The following CELF3 variants were observed in gnomAD, a reference collection of about 807,000 sequenced individuals.
The protein encoded by CELF3 is CAG repeat domain.
In CELF3, 26 loss-of-function variants were observed where a neutral mutation model predicts 59.6. The observed-to-expected ratio is 0.44, with a 90% CI of 0.32 to 0.61. The LOEUF is 0.61. Ranked by LOEUF, CELF3 falls within the 20% of genes least tolerant of loss-of-function variation. CELF3 has a pLI of 0.06. For missense variants in CELF3, 387 were observed against 627.2 expected (o/e 0.62, Z 4.09); for synonymous variants, 245 against 250.7 (o/e 0.98, Z 0.22).
intron 9 of CELF3, 77 bp from the exon 10 acceptor site, chr1:151,706,438 C>T: frequency 7.0e-7 from 1 of 1,434,950 alleles, no homozygotes; most frequent in Non-Finnish European, 9.4e-7. Context: ...TGTCTCCCTT[C>T]CCCTAGCCCA....
Position 151,705,707 on chromosome 1 carries a change from T to A in CELF3, c.1270+115A>T. On this transcript the variant is annotated intron_variant, in intron 11 of 12. Coordinates refer to ENST00000290583, the MANE Select transcript of CELF3 (RefSeq NM_007185.7). This position sits in a 1 kb window ranked among gnomAD's most constrained non-coding sequence, Gnocchi z 5.1. ...GTGTCAAAATGGCTCTTTTGTACTCTTGGATAATCAGTATTTCAAATACTG... is the reference window on the plus strand; with the variant it reads ...GTGTCAAAATGGCTCTTTTGTACTCATGGATAATCAGTATTTCAAATACTG... 8.3e-7 allele frequency: 1 copy of A among 1,202,478 alleles called. No individual in the cohort carries two copies. The highest frequency in any genetic ancestry group is 1.4e-5 in the South Asian group (1 of 69,056). 74.5% of individuals were successfully genotyped at this position (1,202,478 alleles called of 1,614,324 possible). A position where few individuals can be genotyped will look rare whatever the true frequency, so the allele number is the denominator to read the frequency against.
chr1:151,700,670 G>A lies in CELF3; in HGVS notation c.*2789C>T, dbSNP rs1010849594. On this transcript the variant is annotated 3_prime_UTR_variant, in exon 13 of 13. Coordinates refer to ENST00000290583, the MANE Select transcript of CELF3 (RefSeq NM_007185.7). ...ATTGCTATGATTACTCAGTTAATAA[G>A]TGTAGGCAGTGATAATTGAAAAGAG... Among the ~76,000 whole-genome samples, 1 of 152,230 alleles carries A rather than the reference G, an allele frequency of 6.6e-6. No individual in the cohort carries two copies. Among genetic ancestry groups the A allele is most frequent in the African/African-American group, 2.4e-5 (1 of 41,464 alleles).
In CELF3 at chr1:151,716,632, C is replaced by T; in HGVS notation, c.-612G>A. ...GATGGCGGCAGGGCTCCAGGGGTCC[C>T]TTTTGCCCTGCCGCCCCCCTTCAGG... On this transcript the variant is annotated 5_prime_UTR_variant, in exon 1 of 13. Transcript: ENST00000290583. The T allele has an allele frequency of 2.7e-6, 1 of 376,448 alleles. No homozygotes were observed. Among genetic ancestry groups the T allele is most frequent in the Non-Finnish European group, 5.5e-6 (1 of 183,014 alleles). The allele number at this position is 376,448 out of a possible 1,614,324, so 23.3% of individuals were successfully genotyped here.
intron 5 of CELF3, 161 bp from the exon 6 acceptor site, chr1:151,708,096 ACT>A: frequency 7.1e-6 from 5 of 707,212 alleles, no homozygotes; most frequent in Admixed American, 3.0e-5. Context: ...TATTAATCCC[ACT>A]CTCTCCCTAT....
intron 8 of CELF3, 64 bp from the exon 9 acceptor site, chr1:151,706,798 T>G (rs879034120): frequency 7.9e-7 from 1 of 1,258,152 alleles, no homozygotes; most frequent in South Asian, 1.5e-5. Flanking sequence ...TCAGTGCCTC[T>G]CTGGGCCTCT....
Position 151,716,738 on chromosome 1 carries a change from CCTG to C in CELF3, c.-721_-719del. 1 of 455,390 alleles carries C rather than the reference CCTG, an allele frequency of 2.2e-6. No individual in the cohort carries two copies. 28.2% of individuals were successfully genotyped at this position (455,390 alleles called of 1,614,324 possible). A position where few individuals can be genotyped will look rare whatever the true frequency, so the allele number is the denominator to read the frequency against. On this transcript the variant is annotated 5_prime_UTR_variant, in exon 1 of 13. Transcript: ENST00000290583. ...CCGGCTGCTCCCGCCGCTGGGGCTG[CCTG>C]CTTTCCCGGTCACCTGGGTCCCGGA...
In CELF3 at chr1:151,707,233, G is replaced by C. The variant is rs147134681; in HGVS notation, c.834C>G (p.Gly278=). ...TGGGCACCGGGCTGTAGCCGTTGAC[G>C]CCCAGGGCAGCCGGAATGGCAGAGA... ...TPVSAIPAAL[G]VNGYSPVPTQ... Residue 278 remains glycine (G), a synonymous_variant, in exon 8 of 13, where the codon GGC becomes GGG. Coordinates refer to ENST00000290583, the MANE Select transcript of CELF3 (RefSeq NM_007185.7). The C allele has an allele frequency of 1.3e-5, 20 of 1,553,746 alleles. No individual in the cohort carries two copies. The African/African-American group carries it at 2.8e-4, about 21-fold the overall frequency.
rs1672403373 is a variant in CELF3 at position 151,705,116 on chromosome 1, C to T, written c.1323G>A (p.Met441Ile). ...PASAQAAIQA[M>I]NGFQIGMKRL... The stretch of plus-strand genomic sequence containing the variant: ...GCTTCATGCCGATCTGGAAGCCATT[C>T]ATGGCCTGGATGGCAGCCTGGGCAC... Residue 441 changes from methionine (M) to isoleucine (I), a missense_variant, in exon 12 of 13, where the codon ATG (methionine) becomes ATA (isoleucine). Met to Ile is a conservative substitution (Grantham distance 10). Around this residue, in one of 3 missense-constraint regions of CELF3, gnomAD observed 48 missense variants for 118.8 expected, o/e 0.40. Coordinates refer to ENST00000290583, the MANE Select transcript of CELF3 (RefSeq NM_007185.7). This position sits in a 1 kb window ranked among gnomAD's most constrained non-coding sequence, Gnocchi z 5.1. 1.2e-6 allele frequency: 2 copies of T among 1,613,932 alleles called. No individual in the cohort carries two copies. Among genetic ancestry groups the T allele is most frequent in the South Asian group, 1.1e-5 (1 of 91,080 alleles).
At position 151,705,949 on chromosome 1, in the gene CELF3, G is replaced by C; in HGVS notation, c.1143C>G (p.Asn381Lys). 1 of 1,613,998 alleles carries C rather than the reference G, an allele frequency of 6.2e-7. No individual in the cohort carries two copies. Among genetic ancestry groups the C allele is most frequent in the Non-Finnish European group, 8.5e-7 (1 of 1,179,872 alleles). ...CCTGGGGCAGGTGGTAGATGAAGAT[G>C]TTGCAGCCATCAGGGCCTGGGTGGC... ...QQQREGPDGC[N>K]IFIYHLPQEF... Residue 381 changes from asparagine to lysine, a missense_variant, in exon 11 of 13, where the codon AAC (asparagine) becomes AAG (lysine). Around this residue, in one of 3 missense-constraint regions of CELF3, gnomAD observed 48 missense variants for 118.8 expected, o/e 0.40. Coordinates refer to ENST00000290583, the MANE Select transcript of CELF3 (RefSeq NM_007185.7). The surrounding 1 kb of genome is among the most constrained non-coding windows in gnomAD (Gnocchi z 5.1).
intron 2 of CELF3, among the ~76,000 whole-genome samples, chr1:151,713,764 T>G (rs7537265): frequency 0.77 from 117,334 of 152,166 alleles, 45,411 homozygotes; most frequent in South Asian, 0.82. Context: ...GGATAAGATC[T>G]TTGGTGGGCG....
chr1:151,715,708 A>G (rs1422366002), intron 1 of CELF3, 168 bp downstream of exon 1: 3 of 1,553,552 alleles, frequency 1.9e-6, no homozygotes, highest in East Asian at 4.8e-5. Context: ...GGGTTTCCTG[A>G]TCACTCTAGC....
chr1:151,705,231 C>T lies in CELF3; in HGVS notation c.1271-63G>A. The stretch of plus-strand genomic sequence containing the variant: ...CCTCGCTCTTCCGTGCTTAGGAGAC[C>T]TCTGGCACTACCCTGTGTCTCCCAA... On this transcript the variant is annotated intron_variant, in intron 11 of 12. Coordinates refer to ENST00000290583, the MANE Select transcript of CELF3 (RefSeq NM_007185.7). The surrounding 1 kb of genome is among the most constrained non-coding windows in gnomAD (Gnocchi z 5.1). 1 of 1,539,456 alleles carries T rather than the reference C, an allele frequency of 6.5e-7. No individual in the cohort carries two copies. The highest frequency in any genetic ancestry group is 8.8e-7 in the Non-Finnish European group (1 of 1,132,142).
chr1:151,705,143 G>A lies in CELF3; in HGVS notation c.1296C>T (p.Ala432=). The part of the protein sequence containing the change: ...CFGFVSFDNP[A]SAQAAIQAMN... ...TGGCCTGGATGGCAGCCTGGGCACT[G>A]GCCGGATTGTCGAAACTCACAAAGC... The change falls in exon 12 of 13, where the codon GCC becomes GCT. Residue 432 remains alanine, a synonymous_variant. Coordinates refer to ENST00000290583, the MANE Select transcript of CELF3 (RefSeq NM_007185.7). The surrounding 1 kb of genome is among the most constrained non-coding windows in gnomAD (Gnocchi z 5.1). 1 of 1,613,748 alleles carries A rather than the reference G, an allele frequency of 6.2e-7. No homozygotes were observed. Among genetic ancestry groups the A allele is most frequent in the South Asian group, 1.1e-5 (1 of 91,054 alleles).
In CELF3 at chr1:151,700,472, T is replaced by C. The variant is rs958781417; in HGVS notation, c.*2987A>G. Among the ~76,000 whole-genome samples, 6 of 152,142 alleles carry C rather than the reference T, an allele frequency of 3.9e-5. No homozygotes were observed. Among genetic ancestry groups the C allele is most frequent in the Admixed American group, 3.3e-4 (5 of 15,280 alleles). ...CCTAGAGAACAATGAATAGTTCTAT[T>C]TGGGTATGTGTAGGAATGAAGTGGA... On this transcript the variant is annotated 3_prime_UTR_variant, in exon 13 of 13. Coordinates refer to ENST00000290583, the MANE Select transcript of CELF3 (RefSeq NM_007185.7).
chr1:151,702,063 C>T lies in CELF3; in HGVS notation c.*1396G>A, dbSNP rs1672112008. Among the ~76,000 whole-genome samples the T allele has an allele frequency of 6.6e-6, 1 of 152,224 alleles. No homozygotes were observed. The highest frequency in any genetic ancestry group is 6.5e-5 in the Admixed American group (1 of 15,290). On this transcript the variant is annotated 3_prime_UTR_variant, in exon 13 of 13. Coordinates refer to ENST00000290583, the MANE Select transcript of CELF3 (RefSeq NM_007185.7). ...GTAAATGGTGGTGTCACAACTGGCT[C>T]CCAGTATCCACACTGGCCTCTGTGC...
intron 12 of CELF3, 96 bp downstream of exon 12, chr1:151,704,935 G>A (rs1376953249): frequency 2.1e-5 from 29 of 1,357,356 alleles, no homozygotes; most frequent in Admixed American, 4.2e-5. Flanking sequence ...ATCCCTGAGG[G>A]TGGTGGAGGA....
intron 12 of CELF3, among the ~76,000 whole-genome samples, chr1:151,704,295 G>T (rs1391501121): frequency 6.6e-6 from 1 of 152,168 alleles, no homozygotes. Flanking sequence ...TTTCTCAAGG[G>T]TTTGGTCCAA....
In CELF3 at chr1:151,700,117, ATTGT is replaced by A. The variant is rs1350971671; in HGVS notation, c.*3338_*3341del. Among the ~76,000 whole-genome samples the A allele has an allele frequency of 6.6e-6, 1 of 152,070 alleles. No homozygotes were observed. The highest frequency in any genetic ancestry group is 1.5e-5 in the Non-Finnish European group (1 of 68,024). On this transcript the variant is annotated 3_prime_UTR_variant, in exon 13 of 13. Coordinates refer to ENST00000290583, the MANE Select transcript of CELF3 (RefSeq NM_007185.7). ...CTGCTGTTGGGGGTGGGGTGGGGAG[ATTGT>A]TTGAGATACTGCAACAGACACAAAA...
In CELF3 at chr1:151,701,748, C is replaced by CA. The variant is rs1244104305; in HGVS notation, c.*1710dup. On this transcript the variant is annotated 3_prime_UTR_variant, in exon 13 of 13. Transcript: ENST00000290583. ...GGGCAACATAGCAAGACCCTGTCTA[C>CA]AAAAAAAAACACCATTTTTAAAAAT... Among the ~76,000 whole-genome samples the CA allele has an allele frequency of 4.2e-4, 63 of 151,058 alleles. No homozygotes were observed. The highest frequency in any genetic ancestry group is 6.3e-4 in the South Asian group (3 of 4,754).
Sources: allele counts gnomAD v4.1 joint callset (sites outside exome capture counted in the v4.1 genomes callset), GRCh38; gene constraint gnomAD v4.1.1; regional missense constraint gnomAD v4.1.1; non-coding constraint Gnocchi (gnomAD v3.1); transcripts MANE v1.5; gene names NCBI Gene and HGNC (gene_info 2026-07-23, HGNC 2026-07-21).